The following PLA2G4B variants were observed in gnomAD, a reference collection of about 807,000 sequenced individuals.
PLA2G4B encodes phospholipase A2 group IVB, also known as cytosolic phospholipase A2 beta.
PLA2G4B carries 122 observed loss-of-function variants against 95.8 expected under a neutral mutation model. The ratio of observed to expected loss-of-function variants is 1.27; its 90% CI spans 1.10 to 1.48. PLA2G4B has a LOEUF of 1.48. Among genes scored for constraint, PLA2G4B ranks in the 40% most tolerant of loss-of-function variants. The pLI is 0.00. For missense variants in PLA2G4B, 1,158 were observed against 996.2 expected (o/e 1.16, Z -2.19); for synonymous variants, 518 against 421.5 (o/e 1.23, Z -2.80).
Position 41,841,050 on chromosome 15 carries a change from C to A in PLA2G4B, c.352-5C>A. On this transcript the variant is annotated splice_region_variant and splice_polypyrimidine_tract_variant and intron_variant, in intron 4 of 19. Coordinates refer to ENST00000458483, the MANE Select transcript of PLA2G4B (RefSeq NM_001114633.2). ...TTTCTAACTTACTTCTGGCTCTCTT[C>A]CCAGGGTGAGGGGCGCCTGGAAGTT... The A allele has an allele frequency of 6.3e-7, 1 of 1,576,088 alleles. No homozygotes were observed. The highest frequency in any genetic ancestry group is 8.6e-7 in the Non-Finnish European group (1 of 1,158,324).
chr15:41,839,001 G>A, intron 1 of PLA2G4B, 79 bp downstream of exon 1: 1 of 1,229,856 alleles, frequency 8.1e-7, no homozygotes, highest in Non-Finnish European at 1.1e-6. Flanking sequence ...TTTCTTATGG[G>A]AGCTGTGGTC....
intron 1 of PLA2G4B, chr15:41,839,197 C>T (rs755589397): frequency 3.5e-5 from 12 of 342,340 alleles, no homozygotes; most frequent in Non-Finnish European, 4.9e-5. Context: ...TCCCAGCTGC[C>T]GCCCTGAGGC....
chr15:41,845,063 ATGATGAGGTGCGGGGGCTGCG>A lies in PLA2G4B; in HGVS notation c.1233_1239+14del, dbSNP rs756580684. 3.8e-6 allele frequency: 6 copies of A among 1,598,428 alleles called. No homozygotes were observed. The Admixed American group carries it at 1.0e-4, about 27-fold the overall frequency. ...GCCCTCATCAACGAGGCGCTGCTGC[ATGATGAGGTGCGGGGGCTGCG>A]GCCTGGGGGCAGAGCCAGGGCAAGG... On this transcript the variant is annotated splice_donor_variant and splice_donor_5th_base_variant and coding_sequence_variant and intron_variant, in exon 13 of 20. Transcript: ENST00000458483. LOFTEE classifies it high-confidence loss of function.
chr15:41,839,752 C>G, intron 1 of PLA2G4B: 1 of 192,900 alleles, frequency 5.2e-6, no homozygotes, highest in Non-Finnish European at 1.1e-5. Context: ...GATACTAGCC[C>G]GAGAAGGTGG....
At chr15:41,845,879 C>T in intron 15 of PLA2G4B, 64 bp from the exon 16 acceptor site, 4 of 1,517,744 alleles carry the variant, frequency 2.6e-6, no homozygotes, top group Non-Finnish European at 3.5e-6. Flanking sequence ...CAGGACTGGC[C>T]ATGGGGAAGG....
intron 17 of PLA2G4B, 94 bp from the exon 18 acceptor site, chr15:41,846,575 G>A: frequency 2.0e-6 from 3 of 1,525,880 alleles, no homozygotes; most frequent in Non-Finnish European, 1.8e-6. Context: ...TGGTTCAGCA[G>A]GAGAGCAGGG....
chr15:41,841,599 C>T, intron 7 of PLA2G4B, 28 bp downstream of exon 7: 3 of 1,613,800 alleles, frequency 1.9e-6, no homozygotes, highest in Non-Finnish European at 2.5e-6. Flanking sequence ...TGGGACAGCC[C>T]CTGGCTCTCA....
intron 11 of PLA2G4B, among the ~76,000 whole-genome samples, chr15:41,844,231 C>T (rs527530289): frequency 6.6e-6 from 1 of 152,144 alleles, no homozygotes; most frequent in East Asian, 1.9e-4. Context: ...GGGCTGAGGG[C>T]AAGGAGATGA....
Position 41,847,435 on chromosome 15 carries a change from C to T in PLA2G4B, c.2046C>T (p.His682=). 6.2e-7 allele frequency: 1 copy of T among 1,613,578 alleles called. No individual in the cohort carries two copies. The highest frequency in any genetic ancestry group is 1.7e-5 in the Admixed American group (1 of 60,004). Residue 682 remains histidine (H), a synonymous_variant, in exon 19 of 20, where the codon CAC becomes CAT. Coordinates refer to ENST00000458483, the MANE Select transcript of PLA2G4B (RefSeq NM_001114633.2). ...AGCAGCTCCAGCCTCGGGAGTGCCA[C>T]ACCTTCTCCGACCCCACCTGCCCCG... is the stretch of plus-strand genomic sequence containing the variant. The part of the protein sequence containing the change: ...PEEQLQPREC[H]TFSDPTCPGA...
intron 17 of PLA2G4B, 95 bp downstream of exon 17, chr15:41,846,477 G>A: frequency 6.5e-7 from 1 of 1,528,802 alleles, no homozygotes; most frequent in South Asian, 1.3e-5. Context: ...CTCCTGCTTT[G>A]AGCTTGATTC....
At chr15:41,839,903 G>A (rs1014490473) in intron 1 of PLA2G4B, 27 of 516,404 alleles carry the variant, frequency 5.2e-5, no homozygotes, top group African/African-American at 4.0e-4. Context: ...CTGTGCATAA[G>A]GTGGTTGTGC....
At position 41,846,277 on chromosome 15, in the gene PLA2G4B, G is replaced by A. The variant is rs367918000; in HGVS notation, c.1675G>A (p.Asp559Asn). The part of the protein sequence containing the change: ...TAGRIAEFFT[D>N]LLTWRPLAQA... ...CGGCAGGATAGCTGAGTTTTTCACCGATCTTCTGACGTGGCGTCCACTGGC... is the reference window on the plus strand; with the variant it reads ...CGGCAGGATAGCTGAGTTTTTCACCAATCTTCTGACGTGGCGTCCACTGGC... Residue 559 changes from aspartate to asparagine, a missense_variant, in exon 17 of 20, where the codon GAT becomes AAT. Coordinates refer to ENST00000458483, the MANE Select transcript of PLA2G4B (RefSeq NM_001114633.2). The A allele has an allele frequency of 3.1e-5, 50 of 1,613,984 alleles. No individual in the cohort carries two copies. The highest frequency in any genetic ancestry group is 4.0e-5 in the Non-Finnish European group (47 of 1,179,986).
chr15:41,841,510 G>T lies in PLA2G4B; in HGVS notation c.436-7G>T, dbSNP rs1235790873. The T allele has an allele frequency of 6.2e-7, 1 of 1,614,094 alleles. No individual in the cohort carries two copies. The highest frequency in any genetic ancestry group is 1.7e-4 in the Middle Eastern group (1 of 6,058). On this transcript the variant is annotated splice_polypyrimidine_tract_variant and splice_region_variant and intron_variant, in intron 6 of 19. Coordinates refer to ENST00000458483, the MANE Select transcript of PLA2G4B (RefSeq NM_001114633.2). ...TTAGTGTCTGAGGGGCTGTCTTCAT[G>T]ACTCAGGCCCGGGAGCTCTCCTGCT... is the stretch of plus-strand genomic sequence containing the variant.
At chr15:41,840,286 AGGAGGAGGGTGCTGT>A in intron 2 of PLA2G4B, 56 bp downstream of exon 2, 1 of 1,591,230 alleles carries the variant, frequency 6.3e-7, no homozygotes, top group South Asian at 1.1e-5. Context: ...GAGGGTGCTG[AGGAGGAGGGTGCTGT>A]GGCTGGATTT....
At chr15:41,846,584 GGACCAGA>G (rs1305161638) in intron 17 of PLA2G4B, 78 bp from the exon 18 acceptor site, 13 of 1,530,496 alleles carry the variant, frequency 8.5e-6, no homozygotes, top group African/African-American at 1.4e-5. Context: ...AGGAGAGCAG[GGACCAGA>G]GGCCAGAGTC....
chr15:41,840,930 C>A (rs914234042), intron 4 of PLA2G4B, 25 bp downstream of exon 4: 3 of 1,606,162 alleles, frequency 1.9e-6, no homozygotes, highest in Admixed American at 3.4e-5. Flanking sequence ...CCACGGCAGC[C>A]CTAGCTGGTG....
rs201609914 is a variant in PLA2G4B at position 41,841,540 on chromosome 15, C to T, written c.459C>T (p.His153=). The change falls in exon 7 of 20, where the codon CAC becomes CAT. Residue 153 remains histidine, a synonymous_variant. Transcript: ENST00000458483. ...AGGCCCGGGAGCTCTCCTGCTTGCA[C>T]GTTCAACTGGAGGAGACAGGAGACC... ...VLVARELSCL[H]VQLEETGDQK... 898 of 1,614,078 alleles carry T rather than the reference C, an allele frequency of 5.6e-4. 5 individuals carry two copies. The highest frequency in any genetic ancestry group is 1.6e-4 in the Non-Finnish European group (192 of 1,180,016).
At position 41,840,149 on chromosome 15, in the gene PLA2G4B, C is replaced by A. The variant is rs1375161602; in HGVS notation, c.10-9C>A. 1 of 1,612,700 alleles carries A rather than the reference C, an allele frequency of 6.2e-7. No homozygotes were observed. The highest frequency in any genetic ancestry group is 1.3e-5 in the African/African-American group (1 of 74,912). ...CCCGTAGCAGGTCTCCCCTCTCCCA[C>A]CTCTGCAGGCAGAGGTGTCCAGGAC... On this transcript the variant is annotated splice_polypyrimidine_tract_variant and intron_variant, in intron 1 of 19. Transcript: ENST00000458483.
At chr15:41,841,344 C>A (rs542336464) in intron 6 of PLA2G4B, 71 bp downstream of exon 6, 10 of 1,611,050 alleles carry the variant, frequency 6.2e-6, no homozygotes, top group Middle Eastern at 2.2e-4. Context: ...ACTTGAGGTA[C>A]AGGCCCACCG....
Sources: gnomAD v4.1 joint callset for allele counts (sites outside exome capture counted in the v4.1 genomes callset) on GRCh38, gnomAD v4.1.1 for gene constraint, MANE v1.5 for transcripts, NCBI Gene and HGNC (gene_info 2026-07-23, HGNC 2026-07-21) for gene names.